The following TENM4 variants were observed in gnomAD, a reference collection of about 807,000 sequenced individuals.
The protein encoded by TENM4 is teneurin-4.
Under a neutral mutation model 243.3 loss-of-function variants are expected in TENM4, and 82 were observed. The observed-to-expected ratio is 0.34, with a 90% confidence interval of 0.28 to 0.40. The LOEUF (loss-of-function observed/expected upper bound fraction) is 0.40, where lower values mean the gene tolerates loss of function less well. Among genes scored for constraint, TENM4 ranks in the 10% least tolerant of loss-of-function variants. TENM4 has a pLI of 1.00. For synonymous variants in TENM4, 1,412 were observed against 1,456.3 expected (o/e 0.97, Z 0.69); for missense variants, 3,138 against 3,673.3 (o/e 0.85, Z 3.77).
chr11:78,933,411 T>C (rs1856714133), intron 6 of TENM4, among the ~76,000 whole-genome samples: 1 of 152,214 alleles, frequency 6.6e-6, no homozygotes, highest in African/African-American at 2.4e-5. Flanking sequence ...TTAGTCTTCC[T>C]ATATCTACTT....
intron 1 of TENM4, among the ~76,000 whole-genome samples, chr11:79,385,014 T>G (rs1434469790): frequency 7.1e-6 from 1 of 140,668 alleles, no homozygotes; most frequent in African/African-American, 2.6e-5. Context: ...GAAAAATCAC[T>G]GCACATTCTA....
intron 6 of TENM4, among the ~76,000 whole-genome samples, chr11:78,930,785 G>A (rs1026969549): frequency 3.3e-5 from 5 of 152,168 alleles, no homozygotes; most frequent in Admixed American, 2.6e-4. Flanking sequence ...AAAAGTAAGC[G>A]GTGTGGATAA....
chr11:78,834,980 C>T (rs954002124), intron 12 of TENM4, among the ~76,000 whole-genome samples: 2 of 152,192 alleles, frequency 1.3e-5, no homozygotes, highest in African/African-American at 2.4e-5. Context: ...CTCCACACTG[C>T]TAACTCCATC....
chr11:79,103,568 AG>A (rs1164194348), intron 4 of TENM4, among the ~76,000 whole-genome samples: 1 of 152,232 alleles, frequency 6.6e-6, no homozygotes, highest in Non-Finnish European at 1.5e-5. Context: ...ATCAATCCTA[AG>A]ATGCCAGCAA....
chr11:79,111,147 C>T lies in TENM4; in HGVS notation c.-66+37563G>A, dbSNP rs559540807. Among the ~76,000 whole-genome samples the T allele has an allele frequency of 3.1e-4, 47 of 152,286 alleles. No homozygotes were observed. The South Asian group carries it at 5.2e-3, about 17-fold the overall frequency. On this transcript the variant is annotated intron_variant, in intron 4 of 33. Coordinates refer to ENST00000278550, the MANE Select transcript of TENM4 (RefSeq NM_001098816.3). ...TGGTTTTATAAGGGGAAACCCCTTT[C>T]GCTTGCTCCCATTCTCTCTTGCCTG... is the stretch of plus-strand genomic sequence containing the variant.
chr11:78,935,668 T>G (rs375990345), intron 6 of TENM4, among the ~76,000 whole-genome samples: 4 of 152,290 alleles, frequency 2.6e-5, no homozygotes, highest in South Asian at 4.1e-4. Context: ...TTTAAGAAAG[T>G]TCAAAGTCAT....
intron 6 of TENM4, among the ~76,000 whole-genome samples, chr11:79,019,437 C>G (rs1216776318): frequency 6.6e-6 from 1 of 152,148 alleles, no homozygotes; most frequent in Non-Finnish European, 1.5e-5. Context: ...CTATAACCAC[C>G]CAGGGTGCCA....
chr11:78,956,942 T>A (rs1591161413), intron 6 of TENM4, among the ~76,000 whole-genome samples: 1 of 152,368 alleles, frequency 6.6e-6, no homozygotes, highest in South Asian at 2.1e-4. Flanking sequence ...AAAGTGCTTC[T>A]GATTCCAAGG....
chr11:79,109,247 A>G (rs889846204), intron 4 of TENM4, among the ~76,000 whole-genome samples: 2 of 152,192 alleles, frequency 1.3e-5, no homozygotes, highest in African/African-American at 2.4e-5. Context: ...TTTTTAAAAT[A>G]TGATTAATAT....
chr11:78,877,575 G>A (rs982365739), intron 9 of TENM4, among the ~76,000 whole-genome samples: 1 of 152,098 alleles, frequency 6.6e-6, no homozygotes, highest in African/African-American at 2.4e-5. Context: ...GTTGTAAAAG[G>A]AGCACCCAGA....
chr11:79,343,730 G>A (rs1857280145), intron 1 of TENM4, among the ~76,000 whole-genome samples: 1 of 151,818 alleles, frequency 6.6e-6, no homozygotes, highest in South Asian at 2.1e-4. Flanking sequence ...TCTGAAAAAC[G>A]AACAAGCTTG....
chr11:78,702,386 G>C lies in TENM4; in HGVS notation c.4227C>G (p.Pro1409=), dbSNP rs780704030. ...MDISQVHLEW[P]TDLAINPMDN... is the part of the protein sequence containing the mutation. ...CCATTGGGTTGATGGCTAAGTCTGT[G>C]GGCCACTCCAGGTGAACCTGACAAT... The change falls in exon 28 of 34, where the codon CCC becomes CCG. Residue 1409 remains proline (P), a synonymous_variant. Coordinates refer to ENST00000278550, the MANE Select transcript of TENM4 (RefSeq NM_001098816.3). 1 of 1,612,040 alleles carries C rather than the reference G, an allele frequency of 6.2e-7. No individual in the cohort carries two copies.
chr11:79,396,316 T>G (rs550460389), intron 1 of TENM4, among the ~76,000 whole-genome samples: 73 of 152,364 alleles, frequency 4.8e-4, no homozygotes, highest in South Asian at 3.9e-3. Context: ...TGGTTCTTTG[T>G]ATCATGCTTT....
chr11:78,953,630 C>T (rs1402684428), intron 6 of TENM4, among the ~76,000 whole-genome samples: 1 of 152,162 alleles, frequency 6.6e-6, no homozygotes, highest in Admixed American at 6.5e-5. Flanking sequence ...TTTAAAAATA[C>T]AATATAACAA....
At chr11:79,169,495 G>A (rs1262912721) in intron 3 of TENM4, among the ~76,000 whole-genome samples, 1 of 152,136 alleles carries the variant, frequency 6.6e-6, no homozygotes, top group Non-Finnish European at 1.5e-5. Context: ...CCCCCAAGCT[G>A]CCTCTTTAAC....
chr11:79,240,734 C>T (rs935071028), intron 2 of TENM4, among the ~76,000 whole-genome samples: 1 of 152,142 alleles, frequency 6.6e-6, no homozygotes, highest in Non-Finnish European at 1.5e-5. Context: ...TCATCTTAGC[C>T]TGGGGTCTTT....
At chr11:79,372,612 G>A (rs183567586) in intron 1 of TENM4, among the ~76,000 whole-genome samples, 1 of 152,312 alleles carries the variant, frequency 6.6e-6, no homozygotes, top group Admixed American at 6.5e-5. Flanking sequence ...GTGAATGCTG[G>A]TCTGCAACAA....
Position 79,416,919 on chromosome 11 carries a change from T to C in TENM4, c.-321+23590A>G, listed in dbSNP as rs1032091208. Among the ~76,000 whole-genome samples, 6 of 152,286 alleles carry C rather than the reference T, an allele frequency of 3.9e-5. No homozygotes were observed. In the South Asian group the frequency reaches 6.2e-4, roughly 16 times the overall value. On this transcript the variant is annotated intron_variant, in intron 1 of 33. Coordinates refer to ENST00000278550, the MANE Select transcript of TENM4 (RefSeq NM_001098816.3). Reference sequence around the variant, plus strand: ...AAAAGACAGACACTACAGGCAACTGTAACATCAACGCTTTCTTGCCACTCA... The same window carrying C: ...AAAAGACAGACACTACAGGCAACTGCAACATCAACGCTTTCTTGCCACTCA...
At chr11:79,328,298 G>A (rs1167833350) in intron 1 of TENM4, among the ~76,000 whole-genome samples, 3 of 152,162 alleles carry the variant, frequency 2.0e-5, no homozygotes, top group Non-Finnish European at 2.9e-5. Context: ...AGAAGAAAGT[G>A]GCAGGTCTTA....
Sources: gnomAD v4.1 joint callset for allele counts (sites outside exome capture counted in the v4.1 genomes callset) on GRCh38, gnomAD v4.1.1 for gene constraint, MANE v1.5 for transcripts, NCBI Gene and HGNC (gene_info 2026-07-23, HGNC 2026-07-21) for gene names.